ADCY2: variants seen among roughly 807,000 people sequenced by gnomAD.
ADCY2 encodes adenylate cyclase type 2.
Under a neutral mutation model 125.2 loss-of-function variants are expected in ADCY2, and 31 were observed. The observed-to-expected ratio is 0.25, with a 90% CI of 0.19 to 0.33. The LOEUF is 0.33. Ranked by LOEUF, ADCY2 falls within the 10% of genes least tolerant of loss-of-function variation. ADCY2 has a pLI of 1.00. For missense variants in ADCY2, 904 were observed against 1,418.2 expected (o/e 0.64, Z 5.82); for synonymous variants, 512 against 548.4 (o/e 0.93, Z 0.93).
chr5:7,539,476 T>C (rs1313381699), intron 3 of ADCY2, among the ~76,000 whole-genome samples: 1 of 152,200 alleles, frequency 6.6e-6, no homozygotes, highest in African/African-American at 2.4e-5. Context: ...TATAATAGAA[T>C]TGTTCACTAA....
intron 3 of ADCY2, among the ~76,000 whole-genome samples, chr5:7,615,569 T>C (rs1164772457): frequency 6.6e-6 from 1 of 152,322 alleles, no homozygotes; most frequent in Middle Eastern, 3.4e-3. Flanking sequence ...TTTTAATAAC[T>C]ATTTTATTTA....
chr5:7,808,615 A>G (rs1744832415), intron 22 of ADCY2, among the ~76,000 whole-genome samples: 1 of 152,200 alleles, frequency 6.6e-6, no homozygotes, highest in South Asian at 2.1e-4. Flanking sequence ...GCCATAGAGT[A>G]GGGCTCAGAC....
chr5:7,569,780 G>T (rs1418857002), intron 3 of ADCY2, among the ~76,000 whole-genome samples: 1 of 152,082 alleles, frequency 6.6e-6, no homozygotes, highest in African/African-American at 2.4e-5. Flanking sequence ...CAGAAAGATT[G>T]GTTTTCTGCC....
intron 20 of ADCY2, chr5:7,799,426 T>C (rs73047081): frequency 0.016 from 2,434 of 152,378 alleles, 72 homozygotes; most frequent in African/African-American, 0.055. Flanking sequence ...GGTTTCCCAG[T>C]AGTTATAGTC....
intron 18 of ADCY2, among the ~76,000 whole-genome samples, chr5:7,779,528 G>T (rs768680222): frequency 6.6e-6 from 1 of 151,956 alleles, no homozygotes; most frequent in Non-Finnish European, 1.5e-5. Context: ...GCATTAATCA[G>T]GTCACATGAT....
At chr5:7,493,157 A>G (rs1263095974) in intron 2 of ADCY2, among the ~76,000 whole-genome samples, 2 of 152,146 alleles carry the variant, frequency 1.3e-5, no homozygotes, top group Non-Finnish European at 2.9e-5. Flanking sequence ...AAGCAGAAGT[A>G]AAGTAAGAGG....
chr5:7,692,722 C>T (rs569233371), intron 5 of ADCY2, among the ~76,000 whole-genome samples: 89 of 152,220 alleles, frequency 5.8e-4, no homozygotes, highest in African/African-American at 2.1e-3. Flanking sequence ...AAGAATTTTC[C>T]CATCCCTTTG....
chr5:7,429,376 A>C (rs1167634957), intron 2 of ADCY2, among the ~76,000 whole-genome samples: 1 of 152,198 alleles, frequency 6.6e-6, no homozygotes, highest in Non-Finnish European at 1.5e-5. Context: ...AAAATGAATA[A>C]GGATATAGGA....
intron 2 of ADCY2, among the ~76,000 whole-genome samples, chr5:7,520,112 A>G (rs1240100820): frequency 6.6e-6 from 1 of 152,184 alleles, no homozygotes; most frequent in African/African-American, 2.4e-5. Context: ...ATGTTATGAA[A>G]TGGGTGTACA....
chr5:7,724,414 T>G (rs1041377673), intron 12 of ADCY2, 131 bp from the exon 13 acceptor site: 90 of 702,972 alleles, frequency 1.3e-4, no homozygotes, highest in Non-Finnish European at 1.9e-4. Flanking sequence ...ACGTGTTTTT[T>G]TTTTTTTTTT....
At chr5:7,675,938 A>C (rs1740112958) in intron 4 of ADCY2, among the ~76,000 whole-genome samples, 1 of 152,228 alleles carries the variant, frequency 6.6e-6, no homozygotes. Flanking sequence ...AGTTTTCCCG[A>C]TAAAGAACAT....
intron 2 of ADCY2, among the ~76,000 whole-genome samples, chr5:7,459,268 G>T (rs1217608215): frequency 1.3e-5 from 2 of 152,186 alleles, no homozygotes; most frequent in Non-Finnish European, 2.9e-5. Flanking sequence ...AGACCTCAGG[G>T]TGCTGGAGTG....
intron 2 of ADCY2, among the ~76,000 whole-genome samples, chr5:7,438,956 T>C (rs760637184): frequency 3.3e-5 from 5 of 152,260 alleles, no homozygotes; most frequent in Middle Eastern, 3.4e-3. Flanking sequence ...CCAGCTCACC[T>C]GGGAGCAACA....
chr5:7,590,852 A>C (rs770083170), intron 3 of ADCY2, among the ~76,000 whole-genome samples: 1 of 152,290 alleles, frequency 6.6e-6, no homozygotes, highest in Middle Eastern at 3.4e-3. Flanking sequence ...AATTTATCTT[A>C]ACCATTAATA....
intron 4 of ADCY2, among the ~76,000 whole-genome samples, chr5:7,628,148 C>T (rs767298167): frequency 2.6e-5 from 4 of 152,116 alleles, no homozygotes; most frequent in Non-Finnish European, 5.9e-5. Context: ...CATGGGTGGT[C>T]CTGCTGTAGT....
In ADCY2 at chr5:7,520,807, A is replaced by G; in HGVS notation, c.478A>G (p.Ile160Val). The G allele has an allele frequency of 1.9e-6, 3 of 1,614,130 alleles. No individual in the cohort carries two copies. In the South Asian group the frequency reaches 3.3e-5, roughly 18 times the overall value. ...MLPFNMRDAI[I>V]ASVLTSSSHT... ...GCCCTTCAACATGCGAGACGCCATCATTGCCAGCGTCCTCACCTCCTCCTC... is the reference window on the plus strand; with the variant it reads ...GCCCTTCAACATGCGAGACGCCATCGTTGCCAGCGTCCTCACCTCCTCCTC... The change falls in exon 3 of 25, where the codon ATT (isoleucine) becomes GTT (valine). Residue 160 changes from isoleucine to valine, a missense_variant. Around this residue, in one of 7 missense-constraint regions of ADCY2, gnomAD observed 121 missense variants for 161.5 expected, o/e 0.75. Transcript: ENST00000338316.
At chr5:7,772,821 C>A in intron 17 of ADCY2, 111 bp from the exon 18 acceptor site, 1 of 964,552 alleles carries the variant, frequency 1.0e-6, no homozygotes, top group Non-Finnish European at 1.5e-6. Context: ...GTTTTCACAG[C>A]CACCTTATAT....
At chr5:7,713,508 T>G (rs12520419) in intron 11 of ADCY2, among the ~76,000 whole-genome samples, 149,831 of 150,966 alleles carry the variant, frequency 0.99, 74,357 homozygotes, top group Middle Eastern at 1. Context: ...AAAAAAAAAA[T>G]AAAAAGAAAA....
At chr5:7,597,836 A>T (rs1265695123) in intron 3 of ADCY2, among the ~76,000 whole-genome samples, 1 of 152,144 alleles carries the variant, frequency 6.6e-6, no homozygotes, top group African/African-American at 2.4e-5. Context: ...ACATTCATTC[A>T]TTCGTTCTCA....
Sources: gnomAD v4.1 joint callset for allele counts (sites outside exome capture counted in the v4.1 genomes callset) on GRCh38, gnomAD v4.1.1 for gene constraint, gnomAD v4.1.1 regional missense constraint, MANE v1.5 for transcripts, NCBI Gene and HGNC (gene_info 2026-07-23, HGNC 2026-07-21) for gene names.